ZNF536: variants seen among roughly 807,000 people sequenced by gnomAD.
ZNF536 encodes zinc finger protein 536.
A neutral mutation model predicts 84.5 loss-of-function variants in ZNF536; 13 were observed. The observed-to-expected ratio is 0.15, with a 90% confidence interval of 0.10 to 0.24. The LOEUF is 0.24. Ranked by LOEUF, ZNF536 falls within the 10% of genes least tolerant of loss-of-function variation. The probability of loss-of-function intolerance (pLI) is 1.00; values close to 1 mark genes in which losing one functional copy is unlikely to be tolerated. For missense variants in ZNF536, 1,536 were observed against 1,747.5 expected (o/e 0.88, Z 2.16); for synonymous variants, 811 against 742.5 (o/e 1.09, Z -1.50).
At chr19:30,709,195 C>T (rs2052364091) in intron 1 of ZNF536, among the ~76,000 whole-genome samples, 1 of 152,192 alleles carries the variant, frequency 6.6e-6, no homozygotes, top group Non-Finnish European at 1.5e-5. Flanking sequence ...CAGGAATCCA[C>T]CTCCTGTTCC....
In ZNF536 at chr19:30,548,597, C is replaced by G. The variant is rs2146208806; in HGVS notation, c.2978C>G (p.Thr993Ser). ...GCCTCCCTCCCGGGCTCCTCGGTAA[C>G]TGTGCAGGACAGCATTGCATGGCAC... is the stretch of plus-strand genomic sequence containing the variant. ...DAASLPGSSV[T>S]VQDSIAWHGC... The change falls in exon 4 of 5, where the codon ACT becomes AGT. Residue 993 changes from threonine (T) to serine (S), a missense_variant. Around this residue, in one of 8 missense-constraint regions of ZNF536, gnomAD observed 624 missense variants for 603.1 expected, o/e 1.03. Transcript: ENST00000355537. 6.2e-7 allele frequency: 1 copy of G among 1,614,216 alleles called. No individual in the cohort carries two copies. The highest frequency in any genetic ancestry group is 8.5e-7 in the Non-Finnish European group (1 of 1,180,042).
intron 2 of ZNF536, among the ~76,000 whole-genome samples, chr19:30,527,577 A>C (rs937063308): frequency 4.6e-5 from 7 of 152,058 alleles, no homozygotes; most frequent in African/African-American, 1.7e-4. Flanking sequence ...GCCACCATAA[A>C]ATTGAGCACT....
At chr19:30,331,264 C>A (rs1019052559) in intron 2 of ZNF536, among the ~76,000 whole-genome samples, 2 of 123,370 alleles carry the variant, frequency 1.6e-5, no homozygotes, top group African/African-American at 6.3e-5. Context: ...ACACTCCAGC[C>A]TGGGGAACAG....
intron 1 of ZNF536, among the ~76,000 whole-genome samples, chr19:30,688,556 T>A (rs1251958886): frequency 6.6e-6 from 1 of 152,216 alleles, no homozygotes; most frequent in African/African-American, 2.4e-5. Flanking sequence ...TGTTGGCACT[T>A]TTATATATTC....
chr19:30,473,604 A>G (rs967996862), intron 2 of ZNF536, among the ~76,000 whole-genome samples: 3 of 152,182 alleles, frequency 2.0e-5, no homozygotes, highest in African/African-American at 7.2e-5. Flanking sequence ...ACCCATCCTC[A>G]CACATGCCTC....
intron 2 of ZNF536, among the ~76,000 whole-genome samples, chr19:30,487,947 A>T (rs974587885): frequency 1.3e-5 from 2 of 152,170 alleles, no homozygotes; most frequent in African/African-American, 4.8e-5. Context: ...TTTCCTTTTC[A>T]ACTGTATGGT....
chr19:30,639,562 T>C (rs73924669), intron 1 of ZNF536, among the ~76,000 whole-genome samples: 57 of 152,322 alleles, frequency 3.7e-4, no homozygotes, highest in African/African-American at 1.3e-3. Flanking sequence ...GGATTTACTT[T>C]TGTTTCCAGT....
At chr19:30,701,386 C>G (rs1404192209) in intron 1 of ZNF536, among the ~76,000 whole-genome samples, 1 of 151,676 alleles carries the variant, frequency 6.6e-6, no homozygotes, top group African/African-American at 2.4e-5. Context: ...CACAAACACA[C>G]AGACACACCC....
At chr19:30,228,432 A>G (rs2022747022), upstream of ZNF536, 2 of 152,156 alleles carry the variant, frequency 1.3e-5, no homozygotes, top group East Asian at 3.9e-4. This position sits in a 1 kb window ranked among gnomAD's most constrained non-coding sequence, Gnocchi z 4.5. Context: ...GCTTTAATTA[A>G]CTTCGAGATG....
chr19:30,380,817 C>A (rs1160144810), intron 1 of ZNF536, among the ~76,000 whole-genome samples: 2 of 152,020 alleles, frequency 1.3e-5, no homozygotes, highest in East Asian at 1.9e-4. Flanking sequence ...GTGCCCGATG[C>A]GTGTTTCTTA....
At chr19:30,357,971 C>G (rs920849988) in intron 3 of ZNF536, among the ~76,000 whole-genome samples, 9 of 152,176 alleles carry the variant, frequency 5.9e-5, no homozygotes, top group Non-Finnish European at 1.2e-4. Flanking sequence ...GAGTGACCCT[C>G]AGGGAGTTGC....
chr19:30,349,920 A>G (rs1427028966), intron 2 of ZNF536, among the ~76,000 whole-genome samples: 1 of 152,124 alleles, frequency 6.6e-6, no homozygotes, highest in African/African-American at 2.4e-5. Context: ...TAAGTAGAAT[A>G]TGTGATTCAA....
intron 1 of ZNF536, among the ~76,000 whole-genome samples, chr19:30,439,989 C>G (rs193239435): frequency 8.1e-4 from 93 of 114,378 alleles, no homozygotes; most frequent in African/African-American, 3.2e-3. Context: ...TTGACAGAGT[C>G]TCGCTCTGTT....
At chr19:30,462,344 A>G (rs955025889) in intron 2 of ZNF536, among the ~76,000 whole-genome samples, 2 of 151,140 alleles carry the variant, frequency 1.3e-5, no homozygotes, top group Non-Finnish European at 3.0e-5. Flanking sequence ...TGTGTTGTGC[A>G]TGTGGGGATA....
intron 1 of ZNF536, among the ~76,000 whole-genome samples, chr19:30,253,987 A>G (rs2145135107): frequency 6.6e-6 from 1 of 152,312 alleles, no homozygotes; most frequent in Middle Eastern, 3.4e-3. Flanking sequence ...AAAAAATTAA[A>G]ATCAGTTTTC....
chr19:30,266,018 G>A (rs1048062408), intron 1 of ZNF536, among the ~76,000 whole-genome samples: 1 of 152,042 alleles, frequency 6.6e-6, no homozygotes, highest in Non-Finnish European at 1.5e-5. Flanking sequence ...AGCCTCCCAA[G>A]GAGCTAGAAC....
intron 1 of ZNF536, among the ~76,000 whole-genome samples, chr19:30,683,150 G>A (rs1181037971): frequency 5.9e-5 from 9 of 152,110 alleles, no homozygotes; most frequent in Non-Finnish European, 2.9e-5. Context: ...TAGGTGGCGC[G>A]AAAGACCACC....
intron 1 of ZNF536, among the ~76,000 whole-genome samples, chr19:30,428,680 G>A (rs1460142813): frequency 6.6e-6 from 1 of 151,974 alleles, no homozygotes. Context: ...GTGGGGGTGG[G>A]GGAAGATGTT....
intron 1 of ZNF536, among the ~76,000 whole-genome samples, chr19:30,394,632 T>G (rs1327084947): frequency 6.6e-6 from 1 of 152,226 alleles, no homozygotes; most frequent in Non-Finnish European, 1.5e-5. Flanking sequence ...TCTTCTTCCA[T>G]CTCTGGTGGT....
Sources: allele counts gnomAD v4.1 joint callset (sites outside exome capture counted in the v4.1 genomes callset), GRCh38; gene constraint gnomAD v4.1.1; regional missense constraint gnomAD v4.1.1; non-coding constraint Gnocchi (gnomAD v3.1); transcripts MANE v1.5; gene names NCBI Gene and HGNC (gene_info 2026-07-23, HGNC 2026-07-21).